Variants in ADAMTS2 observed in about 807,000 individuals in gnomAD.
ADAMTS2 encodes ADAM metallopeptidase with thrombospondin type 1 motif 2.
ADAMTS2 carries 50 observed loss-of-function variants against 123.0 expected under a neutral mutation model. The ratio of observed to expected loss-of-function variants is 0.41; its 90% CI spans 0.32 to 0.51. ADAMTS2 has a LOEUF of 0.51. Among genes scored for constraint, ADAMTS2 ranks in the 20% least tolerant of loss-of-function variants. The pLI is 0.35. For synonymous variants in ADAMTS2, 678 were observed against 695.4 expected (o/e 0.98, Z 0.39); for missense variants, 1,494 against 1,705.2 (o/e 0.88, Z 2.18).
rs1756714005 is a variant in ADAMTS2, at chr5:179,307,524, C to T, written c.535-34460G>A. Among the ~76,000 whole-genome samples the T allele has an allele frequency of 6.6e-6, 1 of 152,180 alleles. No homozygotes were observed. ...AGGCTGGGAGCCCGGGCGTCCCAAGCCTGTGACCTCATTCTCTATGCTCCT... is the reference window on the plus strand; with the variant it reads ...AGGCTGGGAGCCCGGGCGTCCCAAGTCTGTGACCTCATTCTCTATGCTCCT... On this transcript the variant is annotated intron_variant, in intron 2 of 21. Coordinates refer to ENST00000251582, the MANE Select transcript of ADAMTS2 (RefSeq NM_014244.5). This position sits in a 1 kb window ranked among gnomAD's most constrained non-coding sequence, Gnocchi z 5.6.
rs1211394130 is a variant in ADAMTS2, at chr5:179,210,456, A to G, written c.689-2741T>C. On this transcript the variant is annotated intron_variant, in intron 3 of 21. Coordinates refer to ENST00000251582, the MANE Select transcript of ADAMTS2 (RefSeq NM_014244.5). ...GAATCTGAATTTCACCTGAAATGGAATTATTATTGTTGCCATCATTATTTT... is the reference window on the plus strand; with the variant it reads ...GAATCTGAATTTCACCTGAAATGGAGTTATTATTGTTGCCATCATTATTTT... Among the ~76,000 whole-genome samples the G allele has an allele frequency of 5.9e-5, 9 of 152,378 alleles. No individual in the cohort carries two copies. In the East Asian group the frequency reaches 1.3e-3, roughly 23 times the overall value.
At position 179,181,033 on chromosome 5, in the gene ADAMTS2, G is replaced by A. The variant is rs753634203; in HGVS notation, c.975+39C>T. 7 of 1,531,174 alleles carry A rather than the reference G, an allele frequency of 4.6e-6. No homozygotes were observed. The highest frequency in any genetic ancestry group is 1.4e-5 in the African/African-American group (1 of 73,152). The allele number at this position is 1,531,174 out of a possible 1,614,324, so 94.8% of individuals were successfully genotyped here. ...CTCACTCCCAGGCCCCTCACTCCGA[G>A]GGGGTGGAGGCAGGCCCGGCTGGCC... On this transcript the variant is annotated intron_variant, in intron 5 of 21. Coordinates refer to ENST00000251582, the MANE Select transcript of ADAMTS2 (RefSeq NM_014244.5). This position sits in a 1 kb window ranked among gnomAD's most constrained non-coding sequence, Gnocchi z 4.1.
intron 3 of ADAMTS2, among the ~76,000 whole-genome samples, chr5:179,247,289 C>T (rs2113462595): frequency 6.6e-6 from 1 of 152,144 alleles, no homozygotes; most frequent in Non-Finnish European, 1.5e-5. Flanking sequence ...CAGATTTGAG[C>T]AGGCAAACAA....
intron 2 of ADAMTS2, among the ~76,000 whole-genome samples, chr5:179,279,998 A>T (rs1296199765): frequency 6.6e-6 from 1 of 152,168 alleles, no homozygotes; most frequent in East Asian, 1.9e-4. Flanking sequence ...TTCCTCTTGG[A>T]GAGCGACCCC....
intron 3 of ADAMTS2, among the ~76,000 whole-genome samples, chr5:179,235,301 T>C (rs113960013): frequency 6.6e-6 from 1 of 152,184 alleles, no homozygotes. Context: ...TCATGAAGGT[T>C]TGGCACAATG....
chr5:179,301,743 C>A (rs1756524076), intron 2 of ADAMTS2, among the ~76,000 whole-genome samples: 1 of 152,266 alleles, frequency 6.6e-6, no homozygotes. Flanking sequence ...AACTTGGAGA[C>A]AACCCATCCT....
intron 3 of ADAMTS2, among the ~76,000 whole-genome samples, chr5:179,261,927 G>C (rs768056960): frequency 1.3e-5 from 2 of 152,214 alleles, no homozygotes; most frequent in Admixed American, 6.5e-5. Flanking sequence ...GCCCCACAGA[G>C]CACAGCCTCT....
intron 4 of ADAMTS2, among the ~76,000 whole-genome samples, chr5:179,198,730 A>G (rs1397245410): frequency 2.6e-5 from 4 of 151,540 alleles, no homozygotes; most frequent in Admixed American, 2.0e-4. Flanking sequence ...GGTACTTGGG[A>G]GGCTGAGGCA....
intron 3 of ADAMTS2, among the ~76,000 whole-genome samples, chr5:179,217,735 G>A (rs1274292264): frequency 9.5e-6 from 1 of 104,824 alleles, no homozygotes; most frequent in Non-Finnish European, 2.0e-5. Context: ...AAGGGCAGAT[G>A]GCACACTTGC....
chr5:179,294,785 C>A (rs748502459), intron 2 of ADAMTS2, among the ~76,000 whole-genome samples: 3 of 152,254 alleles, frequency 2.0e-5, no homozygotes, highest in Non-Finnish European at 4.4e-5. Flanking sequence ...CAGGAAATGT[C>A]AACATTTTCC....
chr5:179,296,687 C>T (rs879599026), intron 2 of ADAMTS2, among the ~76,000 whole-genome samples: 13 of 152,128 alleles, frequency 8.5e-5, no homozygotes, highest in South Asian at 6.2e-4. Flanking sequence ...GGAGAGGCGG[C>T]GGGCAGAGAG....
rs113444380 is a variant in ADAMTS2, at chr5:179,116,761, T to C, written c.3179-2437A>G. Among the ~76,000 whole-genome samples, 471 of 152,336 alleles carry C rather than the reference T, an allele frequency of 3.1e-3. 3 individuals carry two copies. Among genetic ancestry groups the C allele is most frequent in the Admixed American group, 6.7e-3 (102 of 15,300 alleles). On this transcript the variant is annotated intron_variant, in intron 21 of 21. Coordinates refer to ENST00000251582, the MANE Select transcript of ADAMTS2 (RefSeq NM_014244.5). ...GGCAAGAAGAATGCAGGGAGGCCCA[T>C]GCATCAGAGGGTGCCCGACTTCGGC...
intron 3 of ADAMTS2, among the ~76,000 whole-genome samples, chr5:179,218,725 G>A (rs1444893042): frequency 6.6e-6 from 1 of 152,200 alleles, no homozygotes; most frequent in Non-Finnish European, 1.5e-5. Flanking sequence ...AGTCCTGACA[G>A]TTCTCTAAAC....
chr5:179,329,214 C>T (rs562021650), intron 2 of ADAMTS2, among the ~76,000 whole-genome samples: 2 of 151,948 alleles, frequency 1.3e-5, no homozygotes, highest in South Asian at 4.2e-4. Context: ...GTAGTCCCAG[C>T]TACTCTTGAG....
chr5:179,136,834 G>C (rs1169076429), intron 12 of ADAMTS2, among the ~76,000 whole-genome samples: 2 of 152,018 alleles, frequency 1.3e-5, no homozygotes, highest in Admixed American at 1.3e-4. Flanking sequence ...GCCGGGTGTG[G>C]TGGCGTGCGC....
At chr5:179,154,454 T>C (rs1030624135) in intron 7 of ADAMTS2, among the ~76,000 whole-genome samples, 2 of 152,172 alleles carry the variant, frequency 1.3e-5, no homozygotes, top group African/African-American at 4.8e-5. Flanking sequence ...GTGGCTTCCC[T>C]GCCTCCAGGT....
chr5:179,139,546 G>C (rs569946608), intron 11 of ADAMTS2, among the ~76,000 whole-genome samples: 2 of 152,060 alleles, frequency 1.3e-5, no homozygotes, highest in Admixed American at 6.5e-5. Context: ...CTAGCATCGG[G>C]GGGGCTGAGA....
intron 2 of ADAMTS2, among the ~76,000 whole-genome samples, chr5:179,329,216 A>C (rs1398337331): frequency 1.3e-5 from 2 of 151,234 alleles, no homozygotes; most frequent in Non-Finnish European, 2.9e-5. Context: ...AGTCCCAGCT[A>C]CTCTTGAGGC....
chr5:179,164,818 C>T (rs1763667770), intron 5 of ADAMTS2, among the ~76,000 whole-genome samples: 2 of 152,202 alleles, frequency 1.3e-5, no homozygotes, highest in African/African-American at 4.8e-5. Flanking sequence ...CCAAAACAAC[C>T]ATCCGCAAAC....
Sources: allele counts gnomAD v4.1 joint callset (sites outside exome capture counted in the v4.1 genomes callset), GRCh38; gene constraint gnomAD v4.1.1; non-coding constraint Gnocchi (gnomAD v3.1); transcripts MANE v1.5; gene names NCBI Gene and HGNC (gene_info 2026-07-23, HGNC 2026-07-21).